RAB27B: variants seen among roughly 807,000 people sequenced by gnomAD.
RAB27B encodes RAB27B, member RAS oncogene family.
RAB27B carries 15 observed loss-of-function variants against 24.6 expected under a neutral mutation model. That is an observed-to-expected ratio of 0.61 (90% CI 0.41 to 0.94). RAB27B has a LOEUF of 0.94. Among genes scored for constraint, RAB27B ranks in the 40% least tolerant of loss-of-function variants. The pLI is 0.00. For missense variants in RAB27B, 261 were observed against 266.8 expected (o/e 0.98, Z 0.15); for synonymous variants, 105 against 92.5 (o/e 1.14, Z -0.78).
At chr18:54,770,524 G>C (rs1039446594) in intron 2 of RAB27B, among the ~76,000 whole-genome samples, 3 of 151,842 alleles carry the variant, frequency 2.0e-5, no homozygotes, top group Non-Finnish European at 4.4e-5. Context: ...CTACATTATG[G>C]TGAGTTGTAT....
chr18:54,842,302 A>G (rs1911149113), intron 1 of RAB27B, among the ~76,000 whole-genome samples: 1 of 34,522 alleles, frequency 2.9e-5, no homozygotes, highest in South Asian at 2.6e-3. Flanking sequence ...AGATAAAACT[A>G]TTGATATTCT....
intron 2 of RAB27B, among the ~76,000 whole-genome samples, chr18:54,731,310 A>G (rs1909723975): frequency 1.3e-5 from 2 of 152,248 alleles, no homozygotes; most frequent in South Asian, 2.1e-4. Context: ...GGGCAAATCC[A>G]TAGTCATAGT....
intron 2 of RAB27B, among the ~76,000 whole-genome samples, chr18:54,794,150 A>G (rs944404077): frequency 2.6e-5 from 4 of 152,152 alleles, no homozygotes; most frequent in Admixed American, 2.0e-4. Context: ...TTCTATCTGT[A>G]TGGAGATTAT....
rs1476271383 is a variant in RAB27B at position 54,891,208 on chromosome 18, C to T, written c.*1795C>T. On this transcript the variant is annotated 3_prime_UTR_variant, in exon 6 of 6. Coordinates refer to ENST00000262094, the MANE Select transcript of RAB27B (RefSeq NM_004163.4). ...AACACAGACAGATCCAAGGAAATGT[C>T]TCTTTATAATGTTCTTAGGATGGAC... 6.6e-6 allele frequency: 1 copy of T among 152,038 alleles called. No individual in the cohort carries two copies. The highest frequency in any genetic ancestry group is 1.5e-5 in the Non-Finnish European group (1 of 68,000). 9.4% of individuals were successfully genotyped at this position (152,038 alleles called of 1,614,324 possible).
intron 1 of RAB27B, among the ~76,000 whole-genome samples, chr18:54,838,895 C>T (rs1261691656): frequency 3.3e-5 from 5 of 152,222 alleles, no homozygotes; most frequent in Non-Finnish European, 7.4e-5. Flanking sequence ...CAACCTTTCA[C>T]ATTATTTTGG....
intron 2 of RAB27B, among the ~76,000 whole-genome samples, chr18:54,805,460 A>G: frequency 6.6e-6 from 1 of 152,194 alleles, no homozygotes; most frequent in Non-Finnish European, 1.5e-5. Flanking sequence ...TTAAAATGTC[A>G]GGGTACTTTC....
At chr18:54,867,332 T>C (rs1912271468) in intron 1 of RAB27B, among the ~76,000 whole-genome samples, 1 of 152,078 alleles carries the variant, frequency 6.6e-6, no homozygotes, top group South Asian at 2.1e-4. Context: ...CTATTCCCAT[T>C]GCAGAGTGGT....
chr18:54,807,332 C>T (rs1909822746), intron 2 of RAB27B, among the ~76,000 whole-genome samples: 1 of 152,176 alleles, frequency 6.6e-6, no homozygotes, highest in Non-Finnish European at 1.5e-5. Context: ...GGGAAAAAGT[C>T]TTTGCATGTC....
intron 2 of RAB27B, among the ~76,000 whole-genome samples, chr18:54,763,978 G>T (rs2145056113): frequency 6.6e-6 from 1 of 152,250 alleles, no homozygotes; most frequent in Middle Eastern, 3.4e-3. Flanking sequence ...CTCTAATCAA[G>T]CCATCTCTCT....
At chr18:54,725,982 A>G (rs555755880) in intron 2 of RAB27B, among the ~76,000 whole-genome samples, 5 of 151,750 alleles carry the variant, frequency 3.3e-5, no homozygotes, top group African/African-American at 1.2e-4. Flanking sequence ...AGATAGCTTC[A>G]ATATATTGAT....
chr18:54,859,798 T>C (rs1911941815), intron 1 of RAB27B, among the ~76,000 whole-genome samples: 1 of 152,240 alleles, frequency 6.6e-6, no homozygotes, highest in Non-Finnish European at 1.5e-5. Flanking sequence ...ATTAGGTTAC[T>C]GCCAAGAAGT....
chr18:54,832,829 C>T (rs114120068), intron 1 of RAB27B, among the ~76,000 whole-genome samples: 1,927 of 151,908 alleles, frequency 0.013, 36 homozygotes, highest in African/African-American at 0.044. Flanking sequence ...TTGCATGTGG[C>T]GGTGTGGAAT....
upstream of RAB27B, among the ~76,000 whole-genome samples, chr18:54,824,256 G>A (rs868615086): frequency 2.0e-5 from 3 of 152,164 alleles, no homozygotes; most frequent in Middle Eastern, 3.4e-3. Context: ...GCAACTTTTT[G>A]TTTCTCATGG....
chr18:54,761,055 G>A (rs73959296), intron 2 of RAB27B, among the ~76,000 whole-genome samples: 8,390 of 151,436 alleles, frequency 0.055, 298 homozygotes, highest in Admixed American at 0.085. Context: ...TATCACAAAT[G>A]GGATAATTTA....
chr18:54,803,697 G>A (rs1365747954), intron 2 of RAB27B, among the ~76,000 whole-genome samples: 1 of 152,190 alleles, frequency 6.6e-6, no homozygotes, highest in Non-Finnish European at 1.5e-5. Context: ...CTTGGAGTTA[G>A]GTGGTTCTGC....
intron 2 of RAB27B, among the ~76,000 whole-genome samples, chr18:54,722,645 A>G (rs1909396792): frequency 6.6e-6 from 1 of 152,202 alleles, no homozygotes; most frequent in Admixed American, 6.5e-5. Context: ...TAGTTCATTG[A>G]TACTTGGAGA....
chr18:54,837,893 C>T (rs1236361200), intron 1 of RAB27B, among the ~76,000 whole-genome samples: 1 of 152,046 alleles, frequency 6.6e-6, no homozygotes, highest in African/African-American at 2.4e-5. Context: ...ATGTTTCCTT[C>T]ATGCATAATT....
intron 1 of RAB27B, among the ~76,000 whole-genome samples, chr18:54,860,449 A>C (rs1347264012): frequency 2.6e-5 from 4 of 151,994 alleles, no homozygotes; most frequent in African/African-American, 9.7e-5. Context: ...CACTCTCCTC[A>C]TTCCAGCTCT....
rs776246982 is a variant in RAB27B at position 54,887,092 on chromosome 18, C to T, written c.344-903C>T. On this transcript the variant is annotated intron_variant, in intron 4 of 5. Coordinates refer to ENST00000262094, the MANE Select transcript of RAB27B (RefSeq NM_004163.4). ...CCTCCTCTTTCTCTCTCTCTCCTCC[C>T]CCCTCCGCCCACACATAGTGTTTTT... 1.4e-5 allele frequency among the ~76,000 whole-genome samples: 2 copies of T among 138,860 alleles called. 1 individual carries two copies. Among genetic ancestry groups the T allele is most frequent in the Admixed American group, 1.5e-4 (2 of 13,518 alleles). 91.1% of individuals were successfully genotyped at this position (138,860 alleles called of 152,430 possible).
Sources: allele counts gnomAD v4.1 joint callset (sites outside exome capture counted in the v4.1 genomes callset), GRCh38; gene constraint gnomAD v4.1.1; transcripts MANE v1.5; gene names NCBI Gene and HGNC (gene_info 2026-07-23, HGNC 2026-07-21).